The following TXN2 variants were observed in gnomAD, a reference collection of about 807,000 sequenced individuals.
TXN2 encodes the protein thioredoxin 2.
In TXN2, 12 loss-of-function variants were observed where a neutral mutation model predicts 14.6. The observed-to-expected ratio is 0.82, with a 90% CI of 0.53 to 1.33. TXN2 has a LOEUF of 1.33. TXN2 is among the 40% of genes most tolerant of loss of function. The pLI is 0.00. For missense variants in TXN2, 173 were observed against 207.7 expected, an observed-to-expected ratio of 0.83 and a Z score of 1.03; for synonymous variants, 89 against 81.0, an observed-to-expected ratio of 1.10 and a Z score of -0.53.
intron 2 of TXN2, among the ~76,000 whole-genome samples, chr22:36,477,451 G>A (rs181830122): frequency 1.3e-4 from 20 of 152,256 alleles, no homozygotes; most frequent in African/African-American, 4.6e-4. Context: ...CTCGTGATCC[G>A]CCTGTCTCGG....
intron 3 of TXN2, among the ~76,000 whole-genome samples, chr22:36,472,892 C>G (rs1158766659): frequency 7.6e-5 from 8 of 105,204 alleles, no homozygotes; most frequent in Non-Finnish European, 1.3e-4. Context: ...CCTTCAGAAC[C>G]AGAAAGTCAA....
rs544837018 is a variant in TXN2 at position 36,467,267 on chromosome 22, A to T, written c.*537T>A. ...TGACTAGAGGGGATTTCAGTGTGGG[A>T]CCCAGGGTCTGTTCTTCACAGTAGG... On this transcript the variant is annotated 3_prime_UTR_variant, in exon 4 of 4. Transcript: ENST00000216185. 1 of 153,538 alleles carries T rather than the reference A, an allele frequency of 6.5e-6. No individual in the cohort carries two copies. The highest frequency in any genetic ancestry group is 1.9e-4 in the East Asian group (1 of 5,200). The allele number at this position is 153,538 out of a possible 1,614,324, so 9.5% of individuals were successfully genotyped here.
intron 3 of TXN2, chr22:36,468,668 T>G: frequency 2.2e-6 from 1 of 449,736 alleles, no homozygotes; most frequent in South Asian, 1.6e-5. Context: ...GAGGCTTCAG[T>G]GAGCTGTGAT....
At chr22:36,469,312 C>G (rs1039837745) in intron 3 of TXN2, among the ~76,000 whole-genome samples, 1 of 152,070 alleles carries the variant, frequency 6.6e-6, no homozygotes, top group African/African-American at 2.4e-5. Flanking sequence ...TGTGGGCATT[C>G]AAAAAACAGT....
Position 36,467,677 on chromosome 22 carries a change from A to C in TXN2, c.*127T>G. 1.2e-6 allele frequency: 1 copy of C among 801,288 alleles called. No homozygotes were observed. The highest frequency in any genetic ancestry group is 2.0e-5 in the Admixed American group (1 of 49,346). 49.6% of individuals were successfully genotyped at this position (801,288 alleles called of 1,614,324 possible). On this transcript the variant is annotated 3_prime_UTR_variant, in exon 4 of 4. Transcript: ENST00000216185. Reference sequence around the variant, plus strand: ...CCAGCTCGGAAGCACTCAGGGCTGGAGCCTGGGCTCTAAGCATGGGCCCCA... The same window carrying C: ...CCAGCTCGGAAGCACTCAGGGCTGGCGCCTGGGCTCTAAGCATGGGCCCCA...
rs1015320743 is a variant in TXN2 at position 36,467,669 on chromosome 22, A to G, written c.*135T>C. The G allele has an allele frequency of 1.3e-5, 10 of 749,794 alleles. No individual in the cohort carries two copies. The highest frequency in any genetic ancestry group is 2.3e-5 in the Non-Finnish European group (10 of 442,246). The allele number at this position is 749,794 out of a possible 1,614,324, so 46.4% of individuals were successfully genotyped here. ...GCAGTCCGCCAGCTCGGAAGCACTC[A>G]GGGCTGGAGCCTGGGCTCTAAGCAT... is the stretch of plus-strand genomic sequence containing the variant. On this transcript the variant is annotated 3_prime_UTR_variant, in exon 4 of 4. Coordinates refer to ENST00000216185, the MANE Select transcript of TXN2 (RefSeq NM_012473.4).
chr22:36,467,248 G>C lies in TXN2; in HGVS notation c.*556C>G, dbSNP rs1028064471. The C allele has an allele frequency of 4.6e-5, 7 of 152,896 alleles. No individual in the cohort carries two copies. Among genetic ancestry groups the C allele is most frequent in the African/African-American group, 1.7e-4 (7 of 41,474 alleles). 9.5% of individuals were successfully genotyped at this position (152,896 alleles called of 1,614,324 possible). A position where few individuals can be genotyped will look rare whatever the true frequency, so the allele number is the denominator to read the frequency against. On this transcript the variant is annotated 3_prime_UTR_variant, in exon 4 of 4. Coordinates refer to ENST00000216185, the MANE Select transcript of TXN2 (RefSeq NM_012473.4). ...CCTGGGGGGTGGGAATGGGTGACTA[G>C]AGGGGATTTCAGTGTGGGACCCAGG...
rs1933187034 is a variant in TXN2, at chr22:36,467,615, C to T, written c.*189G>A. Reference sequence around the variant, plus strand: ...AAGACAGCGGTCCCCGGATCAGCAGCAGCACCACCATCCTCTGATGGCCCC... The same window carrying T: ...AAGACAGCGGTCCCCGGATCAGCAGTAGCACCACCATCCTCTGATGGCCCC... On this transcript the variant is annotated 3_prime_UTR_variant, in exon 4 of 4. Transcript: ENST00000216185. 11 of 586,156 alleles carry T rather than the reference C, an allele frequency of 1.9e-5. No individual in the cohort carries two copies. Among genetic ancestry groups the T allele is most frequent in the Non-Finnish European group, 3.1e-5 (10 of 326,374 alleles). The allele number at this position is 586,156 out of a possible 1,614,324, so 36.3% of individuals were successfully genotyped here.
chr22:36,473,697 CT>C (rs1568977187), intron 3 of TXN2, among the ~76,000 whole-genome samples: 1 of 152,166 alleles, frequency 6.6e-6, no homozygotes, highest in Admixed American at 6.5e-5. Flanking sequence ...GCCTTGAGGC[CT>C]TTCTGTGTGA....
At chr22:36,481,447 C>T in intron 1 of TXN2, 117 bp downstream of exon 1, 1 of 313,596 alleles carries the variant, frequency 3.2e-6, no homozygotes. Context: ...ACCAGGGACC[C>T]TGGCTCTCCG....
intron 3 of TXN2, among the ~76,000 whole-genome samples, chr22:36,469,765 G>A (rs954410029): frequency 6.6e-6 from 1 of 152,198 alleles, no homozygotes; most frequent in Non-Finnish European, 1.5e-5. Context: ...AGACCAGCCT[G>A]ACCAACATGG....
intron 3 of TXN2, among the ~76,000 whole-genome samples, chr22:36,473,860 C>T (rs868397877): frequency 2.6e-5 from 4 of 152,342 alleles, no homozygotes; most frequent in East Asian, 1.9e-4. Flanking sequence ...GGACGGTCCT[C>T]GGCATTCCCG....
chr22:36,468,824 T>C (rs1933212748), intron 3 of TXN2: 2 of 307,068 alleles, frequency 6.5e-6, no homozygotes, highest in Admixed American at 8.5e-5. Context: ...GGCAGATCAT[T>C]TGAGGTCAGG....
chr22:36,471,583 T>G (rs1933275323), intron 3 of TXN2, among the ~76,000 whole-genome samples: 1 of 152,164 alleles, frequency 6.6e-6, no homozygotes. Flanking sequence ...TATAAACACC[T>G]CTATACACTA....
chr22:36,467,950 T>TTGGG (rs1326743652), intron 3 of TXN2, 33 bp from the exon 4 acceptor site: 1 of 1,582,262 alleles, frequency 6.3e-7, no homozygotes, highest in Non-Finnish European at 8.7e-7. Context: ...TCCAAGTGAA[T>TTGGG]TGGGAGTGAA....
intron 3 of TXN2, among the ~76,000 whole-genome samples, chr22:36,468,167 G>A (rs1037029460): frequency 6.6e-6 from 1 of 152,184 alleles, no homozygotes; most frequent in Non-Finnish European, 1.5e-5. Flanking sequence ...CCACAAGACT[G>A]ACTCACTGGC....
chr22:36,475,830 G>A (rs1933374063), intron 3 of TXN2, among the ~76,000 whole-genome samples: 1 of 152,152 alleles, frequency 6.6e-6, no homozygotes, highest in African/African-American at 2.4e-5. Flanking sequence ...AACCAAGTGA[G>A]ACGACTCCAT....
In TXN2 at chr22:36,471,003, C is replaced by T. The variant is rs1009491030; in HGVS notation, c.388-3086G>A. ...TACACACACACACATACACACTACC[C>T]GCACTAGGGGCTCACAGGAAACCTG... On this transcript the variant is annotated intron_variant, in intron 3 of 3. Coordinates refer to ENST00000216185, the MANE Select transcript of TXN2 (RefSeq NM_012473.4). 6.6e-5 allele frequency among the ~76,000 whole-genome samples: 10 copies of T among 152,154 alleles called. No individual in the cohort carries two copies. In the South Asian group the frequency reaches 1.7e-3, roughly 25 times the overall value.
At chr22:36,469,041 CATAA>C (rs569570066) in intron 3 of TXN2, among the ~76,000 whole-genome samples, 54 of 146,482 alleles carry the variant, frequency 3.7e-4, no homozygotes, top group South Asian at 1.1e-3. Flanking sequence ...GACTCCATCT[CATAA>C]ATAAATAAAT....
Sources: gnomAD v4.1 joint callset for allele counts (sites outside exome capture counted in the v4.1 genomes callset) on GRCh38, gnomAD v4.1.1 for gene constraint, MANE v1.5 for transcripts, NCBI Gene and HGNC (gene_info 2026-07-23, HGNC 2026-07-21) for gene names.